The following C4orf36 variants were observed in gnomAD, a reference collection of about 807,000 sequenced individuals.
C4orf36 encodes the protein chromosome 4 open reading frame 36, also known as uncharacterized protein C4orf36.
C4orf36 carries 11 observed loss-of-function variants against 12.2 expected under a neutral mutation model. That is an observed-to-expected ratio of 0.90 (90% CI 0.57 to 1.49). The LOEUF (loss-of-function observed/expected upper bound fraction) is 1.49, where lower values mean the gene tolerates loss of function less well. Ranked by LOEUF, C4orf36 falls within the 40% of genes most tolerant of loss-of-function variation. The pLI, the probability that C4orf36 is intolerant of heterozygous loss-of-function variation, is 0.00. For missense variants in C4orf36, 137 were observed against 133.9 expected, an observed-to-expected ratio of 1.02 and a Z score of -0.11; for synonymous variants, 54 against 51.3, an observed-to-expected ratio of 1.05 and a Z score of -0.22.
chr4:86,899,423 T>C, the C4orf36 span, among the ~76,000 whole-genome samples: 1 of 152,178 alleles, frequency 6.6e-6, no homozygotes, highest in South Asian at 2.1e-4. Flanking sequence ...ATTAAAATAA[T>C]GCCAGAACAA....
At chr4:86,878,062 C>T (rs755192898) in intron 4 of C4orf36, among the ~76,000 whole-genome samples, 21 of 151,592 alleles carry the variant, frequency 1.4e-4, no homozygotes, top group Non-Finnish European at 8.8e-5. Context: ...TGAAATTTTC[C>T]ACAATAACGA....
the C4orf36 span, among the ~76,000 whole-genome samples, chr4:86,924,120 A>T: frequency 6.6e-6 from 1 of 152,106 alleles, no homozygotes; most frequent in Non-Finnish European, 1.5e-5. Context: ...AGCTTGCTGC[A>T]GCCTCAACTT....
the C4orf36 span, among the ~76,000 whole-genome samples, chr4:86,920,123 T>C: frequency 6.6e-6 from 1 of 152,198 alleles, no homozygotes; most frequent in African/African-American, 2.4e-5. Context: ...TGAACACAAC[T>C]CAGCCAAGTT....
chr4:86,935,821 G>C, the C4orf36 span: 1 of 152,240 alleles, frequency 6.6e-6, no homozygotes, highest in Non-Finnish European at 1.5e-5. Context: ...CAGGGACAGA[G>C]GGAGAGGCGT....
chr4:86,916,137 C>T, the C4orf36 span, among the ~76,000 whole-genome samples: 1 of 152,158 alleles, frequency 6.6e-6, no homozygotes, highest in Non-Finnish European at 1.5e-5. Context: ...GAAGTATGTA[C>T]TTCCATTGAT....
chr4:86,900,772 A>G, the C4orf36 span, among the ~76,000 whole-genome samples: 1 of 152,156 alleles, frequency 6.6e-6, no homozygotes, highest in Non-Finnish European at 1.5e-5. Flanking sequence ...CATAGCTAAC[A>G]GCACAGTGAG....
chr4:86,916,182 C>T, the C4orf36 span, among the ~76,000 whole-genome samples: 8 of 152,004 alleles, frequency 5.3e-5, no homozygotes, highest in East Asian at 7.7e-4. Context: ...GTTGGATGGT[C>T]AAGAAAGGAA....
chr4:86,883,800 G>A (rs1747100792), intron 4 of C4orf36, among the ~76,000 whole-genome samples: 1 of 152,092 alleles, frequency 6.6e-6, no homozygotes, highest in South Asian at 2.1e-4. Context: ...GGCCAAGATG[G>A]GCAGATCACT....
At chr4:86,881,678 CT>C (rs111401943) in intron 4 of C4orf36, among the ~76,000 whole-genome samples, 73 of 146,234 alleles carry the variant, frequency 5.0e-4, no homozygotes, top group Admixed American at 8.9e-4. Flanking sequence ...CTGAAATTTT[CT>C]TTTTTTTTTT....
chr4:86,912,288 C>T, the C4orf36 span, among the ~76,000 whole-genome samples: 5 of 152,264 alleles, frequency 3.3e-5, no homozygotes, highest in South Asian at 2.1e-4. Flanking sequence ...CCCAAAGTGT[C>T]GGAATTACAG....
chr4:86,899,817 C>T, the C4orf36 span, among the ~76,000 whole-genome samples: 18 of 152,184 alleles, frequency 1.2e-4, no homozygotes, highest in South Asian at 3.1e-3. Flanking sequence ...GGAAATAGAG[C>T]GAGCCCCTGT....
At chr4:86,894,140 G>A (rs1747539109), upstream of C4orf36, among the ~76,000 whole-genome samples, 2 of 151,998 alleles carry the variant, frequency 1.3e-5, no homozygotes, top group African/African-American at 2.4e-5. Context: ...CTCGTGATCC[G>A]CCCACCTCGG....
chr4:86,879,115 G>A (rs1251921060), intron 4 of C4orf36, among the ~76,000 whole-genome samples: 2 of 151,986 alleles, frequency 1.3e-5, no homozygotes, highest in East Asian at 3.8e-4. Flanking sequence ...TTTTTTGAAT[G>A]CCCAAAGCTC....
the C4orf36 span, among the ~76,000 whole-genome samples, chr4:86,904,436 G>C: frequency 1.3e-5 from 2 of 152,192 alleles, no homozygotes; most frequent in Non-Finnish European, 2.9e-5. Flanking sequence ...GAGAGTGAGC[G>C]AGGGCTGGTA....
chr4:86,888,699 T>C lies in C4orf36; in HGVS notation c.66-424A>G, dbSNP rs28611504. On this transcript the variant is annotated intron_variant, in intron 2 of 4. Transcript: ENST00000295898. Reference sequence around the variant, plus strand: ...TGAGTGTGCAATCTGGGAATGGGGATGAAATTCCAAACTACAAATTCAAAA... The same window carrying C: ...TGAGTGTGCAATCTGGGAATGGGGACGAAATTCCAAACTACAAATTCAAAA... Among the ~76,000 whole-genome samples the C allele has an allele frequency of 6.6e-3, 1,007 of 152,332 alleles. 13 individuals are homozygous for C. The highest frequency in any genetic ancestry group is 0.023 in the African/African-American group (973 of 41,564).
chr4:86,888,353 C>T, intron 2 of C4orf36, 78 bp from the exon 3 acceptor site: 3 of 1,407,816 alleles, frequency 2.1e-6, no homozygotes, highest in Non-Finnish European at 2.9e-6. Flanking sequence ...GACATTAATT[C>T]TCAGTTCCAT....
At chr4:86,913,383 G>A in the C4orf36 span, 2 of 789,752 alleles carry the variant, frequency 2.5e-6, no homozygotes, top group South Asian at 1.4e-5. Context: ...AGACTTGAGT[G>A]ATGCTATTCG....
the C4orf36 span, among the ~76,000 whole-genome samples, chr4:86,931,171 G>A: frequency 6.6e-6 from 1 of 152,168 alleles, no homozygotes; most frequent in Non-Finnish European, 1.5e-5. Flanking sequence ...GTTTCTGGTT[G>A]ACTTTTCCTG....
chr4:86,891,571 A>C lies in C4orf36; in HGVS notation c.-51T>G. 1 of 1,613,636 alleles carries C rather than the reference A, an allele frequency of 6.2e-7. No individual in the cohort carries two copies. The highest frequency in any genetic ancestry group is 1.1e-5 in the South Asian group (1 of 91,026). ...TTACATAGGTGCCTGATGGAATGTC[A>C]CAGATAACTCTGTTCACTTTACCTG... On this transcript the variant is annotated 5_prime_UTR_variant, in exon 2 of 5. Transcript: ENST00000295898.
Sources: gnomAD v4.1 joint callset for allele counts (sites outside exome capture counted in the v4.1 genomes callset) on GRCh38, gnomAD v4.1.1 for gene constraint, MANE v1.5 for transcripts, NCBI Gene and HGNC (gene_info 2026-07-23, HGNC 2026-07-21) for gene names.